The following NUP160 variants were observed in gnomAD, a reference collection of about 807,000 sequenced individuals.
NUP160 encodes the protein nuclear pore complex protein Nup160.
A neutral mutation model predicts 196.9 loss-of-function variants in NUP160; 94 were observed. The ratio of observed to expected loss-of-function variants is 0.48; its 90% CI spans 0.40 to 0.57. NUP160 has a LOEUF of 0.57. Among genes scored for constraint, NUP160 ranks in the 20% least tolerant of loss-of-function variants. NUP160 has a pLI of 0.00. For missense variants in NUP160, 1,638 were observed against 1,748.3 expected (o/e 0.94, Z 1.13); for synonymous variants, 605 against 619.7 (o/e 0.98, Z 0.35).
rs148460527 is a variant in NUP160 at position 47,814,455 on chromosome 11, C to T, written c.1686+1024G>A. Among the ~76,000 whole-genome samples, 584 of 151,120 alleles carry T rather than the reference C, an allele frequency of 3.9e-3. 3 individuals are homozygous for T. The highest frequency in any genetic ancestry group is 0.027 in the Middle Eastern group (8 of 292). On this transcript the variant is annotated intron_variant, in intron 13 of 35. Transcript: ENST00000378460. ...TACTCTGGAGGATAGGCAGGAGAAT[C>T]GCTTGAACTCAGTAGGCGGAGGTTG...
intron 17 of NUP160, among the ~76,000 whole-genome samples, chr11:47,809,462 A>G (rs1400815473): frequency 2.6e-5 from 4 of 152,012 alleles, no homozygotes; most frequent in Non-Finnish European, 5.9e-5. Flanking sequence ...AGATGTACAG[A>G]AAGTGGCCAG....
chr11:47,815,996 G>C, exon 12 of NUP160: 1 of 1,613,728 alleles, frequency 6.2e-7, no homozygotes, highest in South Asian at 1.1e-5. Flanking sequence ...CTCCAGGAAA[G>C]ATCCAAATTC....
chr11:47,806,729 A>G (rs971058217), intron 19 of NUP160, among the ~76,000 whole-genome samples: 1 of 151,482 alleles, frequency 6.6e-6, no homozygotes, highest in East Asian at 2.0e-4. Context: ...CCATGAACGA[A>G]TAAATTTTTA....
chr11:47,788,505 A>G, exon 30 of NUP160: 1 of 1,612,826 alleles, frequency 6.2e-7, no homozygotes, highest in Non-Finnish European at 8.5e-7. Context: ...TCCTACCAGC[A>G]ACTGCAACCG....
chr11:47,818,044 T>G lies in NUP160; in HGVS notation c.1431+12A>C, dbSNP rs1276881900. 3 of 1,574,366 alleles carry G rather than the reference T, an allele frequency of 1.9e-6. No homozygotes were observed. The highest frequency in any genetic ancestry group is 3.5e-5 in the Admixed American group (2 of 57,682). On this transcript the variant is annotated intron_variant, in intron 11 of 35. Transcript: ENST00000378460. Reference sequence around the variant, plus strand: ...AATAGTCTTAAACAAACAGTAAATTTTTTTTGCTGACCTGTAAAGCCTTAC... The same window carrying G: ...AATAGTCTTAAACAAACAGTAAATTGTTTTTGCTGACCTGTAAAGCCTTAC...
At chr11:47,780,203 AG>A (rs1298997732) in intron 35 of NUP160, 139 bp downstream of exon 35, 4 of 598,468 alleles carry the variant, frequency 6.7e-6, no homozygotes, top group South Asian at 5.8e-5. Context: ...TTATCTATAA[AG>A]GGACTGGGCA....
At chr11:47,821,280 A>C (rs1851850098) in intron 9 of NUP160, 1 of 152,850 alleles carries the variant, frequency 6.5e-6, no homozygotes, top group Admixed American at 6.5e-5. Context: ...AGACAGTAAC[A>C]AGACGAAAAC....
At chr11:47,835,857 TAGA>T in intron 6 of NUP160, 48 bp from the exon 7 acceptor site, 3 of 1,393,410 alleles carry the variant, frequency 2.2e-6, no homozygotes, top group African/African-American at 1.4e-5. Context: ...ATATTCAGGC[TAGA>T]AGAACATACC....
intron 29 of NUP160, among the ~76,000 whole-genome samples, chr11:47,789,657 C>T (rs908722876): frequency 2.6e-5 from 4 of 151,726 alleles, no homozygotes; most frequent in African/African-American, 9.7e-5. Context: ...AATATTTTTA[C>T]AGCAATGTAA....
chr11:47,803,498 A>G, exon 22 of NUP160: 2 of 1,612,288 alleles, frequency 1.2e-6, no homozygotes, highest in Non-Finnish European at 8.5e-7. Flanking sequence ...AGGAACCAAC[A>G]TTGACTTGAC....
intron 23 of NUP160, 116 bp downstream of exon 23, chr11:47,801,695 G>C: frequency 2.1e-6 from 2 of 965,820 alleles, no homozygotes; most frequent in Non-Finnish European, 3.1e-6. Flanking sequence ...TTTAAATTTG[G>C]AAGTTCAGGG....
intron 7 of NUP160, among the ~76,000 whole-genome samples, chr11:47,824,050 T>TATATAC (rs1851920374): frequency 2.0e-5 from 2 of 99,078 alleles, no homozygotes; most frequent in African/African-American, 8.5e-5. Context: ...TATATATATA[T>TATATAC]ATACACACAC....
chr11:47,825,290 T>A (rs1851946112), intron 7 of NUP160, among the ~76,000 whole-genome samples: 1 of 144,892 alleles, frequency 6.9e-6, no homozygotes, highest in South Asian at 2.2e-4. Flanking sequence ...TTTAAATAAC[T>A]TTTTTTTTTT....
intron 22 of NUP160, among the ~76,000 whole-genome samples, chr11:47,802,930 A>C (rs1427901690): frequency 6.6e-6 from 1 of 152,118 alleles, no homozygotes; most frequent in Non-Finnish European, 1.5e-5. Context: ...GGCAGCAGTG[A>C]GCTGTTGATT....
chr11:47,809,425 T>C (rs2097679740), intron 17 of NUP160, among the ~76,000 whole-genome samples: 1 of 151,914 alleles, frequency 6.6e-6, no homozygotes. Flanking sequence ...TTCTAGTTTT[T>C]AGAACTTATT....
chr11:47,838,464 T>G (rs1852223868), intron 4 of NUP160, among the ~76,000 whole-genome samples: 2 of 152,084 alleles, frequency 1.3e-5, no homozygotes, highest in African/African-American at 4.8e-5. Flanking sequence ...TCCCAGCACT[T>G]TGGGAAGCTG....
intron 23 of NUP160, among the ~76,000 whole-genome samples, chr11:47,800,157 G>C (rs532857215): frequency 6.6e-6 from 1 of 151,820 alleles, no homozygotes; most frequent in Admixed American, 6.6e-5. Context: ...GGGACACAGA[G>C]GCAGGAGAAT....
chr11:47,818,031 C>T, intron 11 of NUP160, 25 bp downstream of exon 11: 1 of 1,485,010 alleles, frequency 6.7e-7, no homozygotes, highest in Non-Finnish European at 9.3e-7. Context: ...TAGTCTTAAA[C>T]AAACAGTAAA....
intron 7 of NUP160, chr11:47,827,313 G>A: frequency 2.8e-6 from 1 of 351,630 alleles, no homozygotes; most frequent in South Asian, 2.1e-5. Context: ...GCAGTGAGCT[G>A]AGATTGCGCC....
Sources: allele counts gnomAD v4.1 joint callset (sites outside exome capture counted in the v4.1 genomes callset), GRCh38; gene constraint gnomAD v4.1.1; transcripts MANE v1.5; gene names NCBI Gene and HGNC (gene_info 2026-07-23, HGNC 2026-07-21).